Variants in PDGFC observed in about 807,000 individuals in gnomAD.
PDGFC encodes the protein platelet-derived growth factor C.
A neutral mutation model predicts 35.5 loss-of-function variants in PDGFC; 12 were observed. The observed-to-expected ratio is 0.34, with a 90% confidence interval of 0.22 to 0.55. The LOEUF (loss-of-function observed/expected upper bound fraction) is 0.55. PDGFC is among the 20% of genes least tolerant of loss of function. PDGFC has a pLI of 0.91. For missense variants in PDGFC, 322 were observed against 412.4 expected (o/e 0.78, Z 1.90); for synonymous variants, 159 against 148.8 (o/e 1.07, Z -0.50).
rs1362911410 is a variant in PDGFC, at chr4:156,825,581, TAATAATAATAATAAGAAGAAGAAGAAG to T, written c.315-14591_315-14565del. On this transcript the variant is annotated intron_variant, in intron 2 of 5. Transcript: ENST00000502773. ...ATAATAATAATAATAATAATAATAA[TAATAATAATAATAAGAAGAAGAAGAAG>T]AAGAAGAAGAAGAAGAAGAAGAAGA... is the stretch of plus-strand genomic sequence containing the variant. 5.1e-4 allele frequency among the ~76,000 whole-genome samples: 47 copies of T among 92,600 alleles called. No homozygotes were observed. In the East Asian group the frequency reaches 6.4e-3, roughly 13 times the overall value. 60.7% of individuals were successfully genotyped at this position (92,600 alleles called of 152,430 possible).
At chr4:156,838,298 C>A (rs1729115348) in intron 2 of PDGFC, among the ~76,000 whole-genome samples, 1 of 152,210 alleles carries the variant, frequency 6.6e-6, no homozygotes, top group Non-Finnish European at 1.5e-5. Context: ...AATCATAGGA[C>A]AACAGTTGGC....
chr4:156,843,240 A>G (rs1729246855), intron 2 of PDGFC, among the ~76,000 whole-genome samples: 1 of 152,228 alleles, frequency 6.6e-6, no homozygotes. Flanking sequence ...GAGAGAAGAC[A>G]GTCATCTTTG....
intron 1 of PDGFC, among the ~76,000 whole-genome samples, chr4:156,873,615 A>G (rs1484784877): frequency 6.6e-6 from 1 of 152,176 alleles, no homozygotes; most frequent in East Asian, 1.9e-4. Flanking sequence ...AAAAATATTT[A>G]CTGAATAATA....
At chr4:156,917,535 C>G (rs1387281006) in intron 1 of PDGFC, among the ~76,000 whole-genome samples, 1 of 152,168 alleles carries the variant, frequency 6.6e-6, no homozygotes. Flanking sequence ...GAAAAATAAT[C>G]CCCACGTGGA....
intron 1 of PDGFC, among the ~76,000 whole-genome samples, chr4:156,872,796 A>C (rs895475413): frequency 7.2e-5 from 11 of 152,326 alleles, no homozygotes; most frequent in African/African-American, 2.4e-4. Flanking sequence ...GAAATTAAAA[A>C]TTTATTTGTA....
At chr4:156,873,993 C>A (rs569549020) in intron 1 of PDGFC, 7 of 152,320 alleles carry the variant, frequency 4.6e-5, no homozygotes, top group African/African-American at 1.4e-4. Flanking sequence ...GAAAGCCCAA[C>A]CTCATCCATG....
At chr4:156,765,040 C>T (rs190774467) in intron 5 of PDGFC, among the ~76,000 whole-genome samples, 1 of 152,272 alleles carries the variant, frequency 6.6e-6, no homozygotes, top group Non-Finnish European at 1.5e-5. Flanking sequence ...CATGCATATG[C>T]CAAGATGCAT....
chr4:156,885,021 T>C (rs1417103254), intron 1 of PDGFC, among the ~76,000 whole-genome samples: 1 of 152,222 alleles, frequency 6.6e-6, no homozygotes, highest in Non-Finnish European at 1.5e-5. Context: ...CTTTAGCTTC[T>C]TTTACTTGTT....
chr4:156,939,942 A>C (rs1731767600), intron 1 of PDGFC, among the ~76,000 whole-genome samples: 1 of 152,144 alleles, frequency 6.6e-6, no homozygotes, highest in African/African-American at 2.4e-5. Context: ...GTTGCTCTGC[A>C]ACACTAGTTT....
chr4:156,776,699 G>A (rs1351723284), intron 3 of PDGFC, among the ~76,000 whole-genome samples: 8 of 152,234 alleles, frequency 5.3e-5, no homozygotes, highest in African/African-American at 1.9e-4. Flanking sequence ...ATGCAAAATC[G>A]GGTCTTTAAA....
intron 3 of PDGFC, among the ~76,000 whole-genome samples, chr4:156,787,427 T>C (rs1266638634): frequency 1.3e-5 from 2 of 152,126 alleles, no homozygotes; most frequent in Non-Finnish European, 2.9e-5. Flanking sequence ...TTCTGACAAA[T>C]GATGAGGCAA....
intron 2 of PDGFC, among the ~76,000 whole-genome samples, chr4:156,828,317 A>C (rs1728837121): frequency 6.6e-6 from 1 of 152,230 alleles, no homozygotes; most frequent in Non-Finnish European, 1.5e-5. Context: ...CTTCTGATAC[A>C]GATTATGTCC....
At chr4:156,839,711 G>A (rs1001316613) in intron 2 of PDGFC, among the ~76,000 whole-genome samples, 15 of 152,312 alleles carry the variant, frequency 9.8e-5, no homozygotes, top group African/African-American at 3.6e-4. Context: ...GAGACTTGGA[G>A]GGCTCAGAAG....
At chr4:156,955,763 T>C (rs576342493) in intron 1 of PDGFC, among the ~76,000 whole-genome samples, 1 of 151,996 alleles carries the variant, frequency 6.6e-6, no homozygotes, top group Non-Finnish European at 1.5e-5. Context: ...AAGCATCTCA[T>C]GAGTTTGCAT....
At position 156,848,128 on chromosome 4, in the gene PDGFC, T is replaced by A. The variant is rs57683266; in HGVS notation, c.314+2093A>T. ...AAGGAGCAAAAGACATAAGCAGGCA[T>A]GATAAAAAGGTAATATGAATGGCTG... On this transcript the variant is annotated intron_variant, in intron 2 of 5. Coordinates refer to ENST00000502773, the MANE Select transcript of PDGFC (RefSeq NM_016205.3). 4.9e-3 allele frequency among the ~76,000 whole-genome samples: 738 copies of A among 150,750 alleles called. 6 individuals are homozygous for A. Among genetic ancestry groups the A allele is most frequent in the African/African-American group, 0.017 (687 of 41,420 alleles).
chr4:156,950,933 A>G (rs928716408), intron 1 of PDGFC, among the ~76,000 whole-genome samples: 2 of 151,904 alleles, frequency 1.3e-5, no homozygotes, highest in African/African-American at 4.8e-5. Context: ...GAATCTTTCA[A>G]TTTCAGAGTA....
rs758991342 is a variant in PDGFC at position 156,760,545 on chromosome 4, C to G, written c.*2545G>C. 6.6e-6 allele frequency: 1 copy of G among 152,138 alleles called. No individual in the cohort carries two copies. The highest frequency in any genetic ancestry group is 1.9e-4 in the East Asian group (1 of 5,184). The allele number at this position is 152,138 out of a possible 1,614,324, so 9.4% of individuals were successfully genotyped here. ...AAAGGCTTGAAACAGATATCATACA[C>G]AAAACGGTGTGTGGTCAATACAGTC... On this transcript the variant is annotated 3_prime_UTR_variant, in exon 6 of 6. Coordinates refer to ENST00000502773, the MANE Select transcript of PDGFC (RefSeq NM_016205.3).
chr4:156,865,213 C>CAT (rs397879287), intron 1 of PDGFC, among the ~76,000 whole-genome samples: 47 of 151,762 alleles, frequency 3.1e-4, no homozygotes, highest in African/African-American at 1.0e-3. Flanking sequence ...CACACACACA[C>CAT]GCAGATACAA....
rs1408946332 is a variant in PDGFC at position 156,760,784 on chromosome 4, T to G, written c.*2306A>C. 6.6e-6 allele frequency: 1 copy of G among 152,040 alleles called. No homozygotes were observed. Among genetic ancestry groups the G allele is most frequent in the Non-Finnish European group, 1.5e-5 (1 of 67,996 alleles). 9.4% of individuals were successfully genotyped at this position (152,040 alleles called of 1,614,324 possible). ...CAAGATTTTATAAGTAAACAAAAAATAAATATTAAAAAAGGGAAAATATAT... is the reference window on the plus strand; with the variant it reads ...CAAGATTTTATAAGTAAACAAAAAAGAAATATTAAAAAAGGGAAAATATAT... On this transcript the variant is annotated 3_prime_UTR_variant, in exon 6 of 6. Coordinates refer to ENST00000502773, the MANE Select transcript of PDGFC (RefSeq NM_016205.3).
Sources: allele counts gnomAD v4.1 joint callset (sites outside exome capture counted in the v4.1 genomes callset), GRCh38; gene constraint gnomAD v4.1.1; transcripts MANE v1.5; gene names NCBI Gene and HGNC (gene_info 2026-07-23, HGNC 2026-07-21).